Variants in DOP1B observed in about 807,000 individuals in gnomAD.
The protein encoded by DOP1B is DOP1 leucine zipper like protein B, also known as protein DOP1B.
Under a neutral mutation model 233.5 loss-of-function variants are expected in DOP1B, and 174 were observed. That is an observed-to-expected ratio of 0.75 (90% CI 0.66 to 0.85). The LOEUF (loss-of-function observed/expected upper bound fraction) is 0.85. Ranked by LOEUF, DOP1B falls within the 40% of genes least tolerant of loss-of-function variation. The pLI, the probability that DOP1B is intolerant of heterozygous loss-of-function variation, is 0.00. For missense variants in DOP1B, 2,652 were observed against 2,846.6 expected (o/e 0.93, Z 1.56); for synonymous variants, 1,190 against 1,185.6 (o/e 1.00, Z -0.08).
chr21:36,164,715 T>C lies in DOP1B; in HGVS notation c.-19T>C. On this transcript the variant is annotated 5_prime_UTR_variant, in exon 2 of 37. Transcript: ENST00000691173. ...TTTTTGATTTGCTTTTAGATACTTTTCTGCTGTGAGAATGTAAGATGGATC... is the reference window on the plus strand; with the variant it reads ...TTTTTGATTTGCTTTTAGATACTTTCCTGCTGTGAGAATGTAAGATGGATC... 1 of 1,552,010 alleles carries C rather than the reference T, an allele frequency of 6.4e-7. No homozygotes were observed. Among genetic ancestry groups the C allele is most frequent in the South Asian group, 1.2e-5 (1 of 82,200 alleles).
chr21:36,217,284 T>G (rs1007730502), intron 9 of DOP1B, among the ~76,000 whole-genome samples: 2 of 152,248 alleles, frequency 1.3e-5, no homozygotes, highest in African/African-American at 2.4e-5. Context: ...GTGTTTTTAC[T>G]GTTCATTAAT....
At position 36,239,968 on chromosome 21, in the gene DOP1B, C is replaced by T. The variant is rs369219814; in HGVS notation, c.3067+13C>T. 1.9e-6 allele frequency: 3 copies of T among 1,602,722 alleles called. No individual in the cohort carries two copies. The African/African-American group carries it at 4.0e-5, about 21-fold the overall frequency. ...GAGAACTCGGCCGGTGAGCAGCCTG[C>T]ACAGGACCCGAGGGTGAGGGAGGAA... On this transcript the variant is annotated intron_variant, in intron 18 of 36. Transcript: ENST00000691173.
intron 4 of DOP1B, among the ~76,000 whole-genome samples, chr21:36,201,778 T>C (rs2066370600): frequency 1.3e-5 from 2 of 152,314 alleles, no homozygotes; most frequent in South Asian, 2.1e-4. Flanking sequence ...CAGGTTTCAG[T>C]AGCACCTTGG....
chr21:36,288,690 TA>T (rs560609614), intron 33 of DOP1B, 65 bp from the exon 34 acceptor site: 626 of 1,200,090 alleles, frequency 5.2e-4, no homozygotes, highest in East Asian at 9.0e-4. Context: ...TAAAAATAAG[TA>T]AAAAAAAATA....
intron 14 of DOP1B, among the ~76,000 whole-genome samples, chr21:36,231,496 T>C (rs1006560156): frequency 6.6e-6 from 1 of 152,112 alleles, no homozygotes; most frequent in East Asian, 1.9e-4. Context: ...CATTTGTAAT[T>C]AGTACATTTT....
chr21:36,214,371 A>C, intron 8 of DOP1B, 71 bp from the exon 9 acceptor site: 1 of 1,469,602 alleles, frequency 6.8e-7, no homozygotes, highest in Non-Finnish European at 9.3e-7. Context: ...TTTAACAATT[A>C]GAATAGCCAG....
At position 36,292,098 on chromosome 21, in the gene DOP1B, C is replaced by G. The variant is rs759022646; in HGVS notation, c.6516-6C>G. On this transcript the variant is annotated splice_region_variant and splice_polypyrimidine_tract_variant and intron_variant, in intron 35 of 36. Transcript: ENST00000691173. ...GCAGACCTGACCTTCTGTTTGTTCCCTGCAGTTATAGGTGGGCATTTATTC... is the reference window on the plus strand; with the variant it reads ...GCAGACCTGACCTTCTGTTTGTTCCGTGCAGTTATAGGTGGGCATTTATTC... The G allele has an allele frequency of 1.3e-6, 2 of 1,590,924 alleles. No homozygotes were observed. Among genetic ancestry groups the G allele is most frequent in the South Asian group, 1.2e-5 (1 of 85,888 alleles).
At chr21:36,254,196 A>T (rs1330378201) in intron 23 of DOP1B, among the ~76,000 whole-genome samples, 1 of 152,140 alleles carries the variant, frequency 6.6e-6, no homozygotes, top group East Asian at 1.9e-4. Context: ...CCTTCTGGGC[A>T]CCAAGTGGAA....
intron 23 of DOP1B, among the ~76,000 whole-genome samples, chr21:36,258,409 GA>G (rs1350357657): frequency 6.7e-6 from 1 of 149,552 alleles, no homozygotes; most frequent in African/African-American, 2.5e-5. Flanking sequence ...GAAAACAAAA[GA>G]AAGACTTTTT....
At chr21:36,273,287 A>T (rs1388561051) in intron 27 of DOP1B, among the ~76,000 whole-genome samples, 2 of 151,184 alleles carry the variant, frequency 1.3e-5, no homozygotes, top group African/African-American at 4.9e-5. Flanking sequence ...TGTGCCTGTA[A>T]TCCCAGCTAC....
intron 13 of DOP1B, among the ~76,000 whole-genome samples, chr21:36,228,744 C>A (rs142875079): frequency 4.0e-5 from 6 of 149,310 alleles, no homozygotes; most frequent in African/African-American, 1.5e-4. Flanking sequence ...CCAGCCTAGG[C>A]GAAAAAGTGA....
intron 13 of DOP1B, among the ~76,000 whole-genome samples, chr21:36,228,326 G>A (rs989150190): frequency 6.6e-6 from 1 of 152,068 alleles, no homozygotes; most frequent in Non-Finnish European, 1.5e-5. Flanking sequence ...AGCCAGGCAT[G>A]GTGGCACATG....
rs1394213876 is a variant in DOP1B at position 36,246,337 on chromosome 21, C to T, written c.4357C>T (p.His1453Tyr). ...GCTGCAGGTGCTGATTGTCTTGGAA[C>T]ACCACCTGGGTCGGGCCCATGAGGA... ...KLLQVLIVLE[H>Y]HLGRAHEEAE... Residue 1453 changes from histidine (H) to tyrosine (Y), a missense_variant, in exon 19 of 37, where the codon CAC becomes TAC. Coordinates refer to ENST00000691173, the MANE Select transcript of DOP1B (RefSeq NM_001320714.2). This position sits in a 1 kb window ranked among gnomAD's most constrained non-coding sequence, Gnocchi z 5.1. The T allele has an allele frequency of 1.6e-5, 26 of 1,613,784 alleles. No individual in the cohort carries two copies. Among genetic ancestry groups the T allele is most frequent in the Non-Finnish European group, 2.0e-5 (24 of 1,180,014 alleles).
chr21:36,200,327 G>T lies in DOP1B; in HGVS notation c.321-4G>T. 1.3e-6 allele frequency: 2 copies of T among 1,581,488 alleles called. No homozygotes were observed. Among genetic ancestry groups the T allele is most frequent in the Non-Finnish European group, 1.7e-6 (2 of 1,163,256 alleles). On this transcript the variant is annotated splice_region_variant and splice_polypyrimidine_tract_variant and intron_variant, in intron 3 of 36. Transcript: ENST00000691173. ...GCCCCGCTCCCTCTCGTTCTTTCTCGAAGCTGCGGGTTATTTCCTCTCCTG... is the reference window on the plus strand; with the variant it reads ...GCCCCGCTCCCTCTCGTTCTTTCTCTAAGCTGCGGGTTATTTCCTCTCCTG...
At chr21:36,269,685 A>C (rs1445088713) in intron 26 of DOP1B, among the ~76,000 whole-genome samples, 1 of 150,608 alleles carries the variant, frequency 6.6e-6, no homozygotes, top group South Asian at 2.1e-4. Context: ...ATGCCCAGCT[A>C]ATTTTTGTAT....
At chr21:36,197,606 G>C (rs899803651) in intron 2 of DOP1B, among the ~76,000 whole-genome samples, 1 of 152,230 alleles carries the variant, frequency 6.6e-6, no homozygotes, top group Admixed American at 6.5e-5. Context: ...CTGAGATGGG[G>C]GCACTGAGCT....
intron 2 of DOP1B, chr21:36,170,020 G>A (rs933575168): frequency 3.5e-5 from 26 of 742,616 alleles, no homozygotes; most frequent in Non-Finnish European, 5.6e-5. Context: ...TGTGATGTGG[G>A]TCATGCCAGC....
intron 2 of DOP1B, among the ~76,000 whole-genome samples, chr21:36,174,620 T>A (rs901324534): frequency 6.6e-6 from 1 of 152,228 alleles, no homozygotes; most frequent in Non-Finnish European, 1.5e-5. Flanking sequence ...TCCTCCTGCC[T>A]CAGCCTCCCA....
chr21:36,251,083 ACAG>A, intron 21 of DOP1B, 76 bp from the exon 22 acceptor site: 3 of 1,526,710 alleles, frequency 2.0e-6, no homozygotes, highest in Non-Finnish European at 2.6e-6. Flanking sequence ...CTCGGTATGG[ACAG>A]CAGTGGTGGT....
Sources: allele counts gnomAD v4.1 joint callset (sites outside exome capture counted in the v4.1 genomes callset), GRCh38; gene constraint gnomAD v4.1.1; non-coding constraint Gnocchi (gnomAD v3.1); transcripts MANE v1.5; gene names NCBI Gene and HGNC (gene_info 2026-07-23, HGNC 2026-07-21).